Variants in SVIP observed in about 807,000 individuals in gnomAD.
The protein encoded by SVIP is small VCP/p97-interacting protein.
In SVIP, 14 loss-of-function variants were observed where a neutral mutation model predicts 12.9. That is an observed-to-expected ratio of 1.08 (90% CI 0.72 to 1.70). SVIP has a LOEUF of 1.70. Ranked by LOEUF, SVIP falls within the 40% of genes most tolerant of loss-of-function variation. SVIP has a pLI of 0.00. For missense variants in SVIP, 93 were observed against 90.8 expected (o/e 1.02, Z -0.10); for synonymous variants, 35 against 33.3 (o/e 1.05, Z -0.17).
At chr11:22,825,622 G>A (rs1470151579) in intron 3 of SVIP, among the ~76,000 whole-genome samples, 1 of 152,020 alleles carries the variant, frequency 6.6e-6, no homozygotes, top group Non-Finnish European at 1.5e-5. Context: ...TACATTTTGA[G>A]CACTTTTGAA....
At chr11:22,828,309 A>G (rs1200715400) in intron 1 of SVIP, among the ~76,000 whole-genome samples, 1 of 152,200 alleles carries the variant, frequency 6.6e-6, no homozygotes, top group Non-Finnish European at 1.5e-5. Flanking sequence ...GAGTAATTTC[A>G]TGAGAGGTAT....
chr11:22,826,498 T>C (rs1857709675), intron 3 of SVIP, among the ~76,000 whole-genome samples: 1 of 152,186 alleles, frequency 6.6e-6, no homozygotes, highest in South Asian at 2.1e-4. Flanking sequence ...ACTTTAAAAA[T>C]GGACCAAGAA....
intron 3 of SVIP, among the ~76,000 whole-genome samples, chr11:22,824,327 A>T (rs1250190568): frequency 6.6e-6 from 1 of 151,800 alleles, no homozygotes; most frequent in Admixed American, 6.6e-5. Flanking sequence ...TAAATCTGTG[A>T]TAGGTCCTGA....
At chr11:22,824,185 A>G (rs1039427314) in intron 3 of SVIP, among the ~76,000 whole-genome samples, 2 of 152,132 alleles carry the variant, frequency 1.3e-5, no homozygotes, top group African/African-American at 4.8e-5. Context: ...CAACAAAACA[A>G]AAATTTAAAA....
rs1392673354 is a variant in SVIP, at chr11:22,819,940, C to CA, written c.*3178dup. On this transcript the variant is annotated 3_prime_UTR_variant, in exon 4 of 4. Coordinates refer to ENST00000354193, the MANE Select transcript of SVIP (RefSeq NM_148893.3). Reference sequence around the variant, plus strand: ...CATAACTAGAAGAGGGAGACTAGAACAATAAAAAGCCATATCAAATGGGAA... The same window carrying CA: ...CATAACTAGAAGAGGGAGACTAGAACAAATAAAAAGCCATATCAAATGGGAA... 1 of 152,002 alleles carries CA rather than the reference C, an allele frequency of 6.6e-6. No homozygotes were observed. The highest frequency in any genetic ancestry group is 2.4e-5 in the African/African-American group (1 of 41,402). 9.4% of individuals were successfully genotyped at this position (152,002 alleles called of 1,614,324 possible).
At chr11:22,827,347 G>A in intron 2 of SVIP, 27 bp from the exon 3 acceptor site, 2 of 1,563,972 alleles carry the variant, frequency 1.3e-6, no homozygotes, top group Non-Finnish European at 8.7e-7. Context: ...AAGAAAAACA[G>A]AAAGACAACA....
intron 3 of SVIP, among the ~76,000 whole-genome samples, chr11:22,823,812 C>A (rs1367575702): frequency 1.3e-5 from 2 of 152,174 alleles, no homozygotes; most frequent in African/African-American, 2.4e-5. Context: ...GCAGCCTTAA[C>A]CTCGCAGGCT....
chr11:22,825,085 A>G (rs560697874), intron 3 of SVIP, among the ~76,000 whole-genome samples: 1 of 152,144 alleles, frequency 6.6e-6, no homozygotes, highest in Admixed American at 6.5e-5. Flanking sequence ...GAATAGGTGA[A>G]AGGCATGAAG....
At chr11:22,823,373 C>T (rs2134747055) in intron 3 of SVIP, among the ~76,000 whole-genome samples, 1 of 152,276 alleles carries the variant, frequency 6.6e-6, no homozygotes, top group Non-Finnish European at 1.5e-5. Flanking sequence ...CAGGATAGCT[C>T]TGTCTCACTG....
At chr11:22,829,431 A>C (rs780447804) in intron 1 of SVIP, 2 of 385,634 alleles carry the variant, frequency 5.2e-6, no homozygotes, top group East Asian at 4.2e-5. Flanking sequence ...CGGCGCAGCT[A>C]AAGTCAGTGG....
chr11:22,829,394 T>G, intron 1 of SVIP: 1 of 335,488 alleles, frequency 3.0e-6, no homozygotes, highest in Non-Finnish European at 5.5e-6. Context: ...TAACGCCCTC[T>G]GCGTGCGCCG....
At chr11:22,825,652 G>A (rs2134757429) in intron 3 of SVIP, among the ~76,000 whole-genome samples, 1 of 152,096 alleles carries the variant, frequency 6.6e-6, no homozygotes, top group African/African-American at 2.4e-5. Flanking sequence ...AGTAATATAA[G>A]GCCTAAATTT....
chr11:22,826,890 G>T (rs574370998), intron 3 of SVIP, among the ~76,000 whole-genome samples: 1 of 152,154 alleles, frequency 6.6e-6, no homozygotes, highest in Admixed American at 6.5e-5. Context: ...TAGTTTGGAT[G>T]ACTTTTACAC....
chr11:22,824,746 T>G (rs1433071577), intron 3 of SVIP, among the ~76,000 whole-genome samples: 2 of 152,100 alleles, frequency 1.3e-5, no homozygotes, highest in Non-Finnish European at 2.9e-5. Flanking sequence ...AACGCTAGGA[T>G]AGTGATTCTC....
In SVIP at chr11:22,822,805, G is replaced by C. The variant is rs1857530793; in HGVS notation, c.*314C>G. The C allele has an allele frequency of 8.2e-6, 2 of 243,402 alleles. No individual in the cohort carries two copies. Among genetic ancestry groups the C allele is most frequent in the Non-Finnish European group, 7.9e-6 (1 of 126,798 alleles). 15.1% of individuals were successfully genotyped at this position (243,402 alleles called of 1,614,324 possible). On this transcript the variant is annotated 3_prime_UTR_variant, in exon 4 of 4. Transcript: ENST00000354193. ...AAGACAACTGCGAATTTTAATCTTA[G>C]AGGTATATGCAGAATGTTTACATGC...
chr11:22,826,395 A>C (rs1857705250), intron 3 of SVIP, among the ~76,000 whole-genome samples: 1 of 152,066 alleles, frequency 6.6e-6, no homozygotes, highest in Non-Finnish European at 1.5e-5. Flanking sequence ...AAAACCAATA[A>C]ATCTGTTGAA....
rs762443061 is a variant in SVIP, at chr11:22,829,796, G to A, written c.-48C>T. On this transcript the variant is annotated 5_prime_UTR_variant, in exon 1 of 4. Coordinates refer to ENST00000354193, the MANE Select transcript of SVIP (RefSeq NM_148893.3). Reference sequence around the variant, plus strand: ...TGACCGGGTCCGGCCCAGGCCAGGCGGCGCTAACTGCGCGGTCCGGAGCCG... The same window carrying A: ...TGACCGGGTCCGGCCCAGGCCAGGCAGCGCTAACTGCGCGGTCCGGAGCCG... 4 of 1,542,100 alleles carry A rather than the reference G, an allele frequency of 2.6e-6. No individual in the cohort carries two copies. In the African/African-American group the frequency reaches 4.2e-5, roughly 16 times the overall value.
intron 3 of SVIP, among the ~76,000 whole-genome samples, chr11:22,825,014 G>A (rs1297486624): frequency 1.3e-5 from 2 of 152,122 alleles, no homozygotes; most frequent in Admixed American, 6.5e-5. Context: ...CAGGTAAGAA[G>A]TCAGAAGACA....
Position 22,826,706 on chromosome 11 carries a change from T to A in SVIP, c.219+501A>T, listed in dbSNP as rs144368082. 5.3e-3 allele frequency among the ~76,000 whole-genome samples: 804 copies of A among 152,242 alleles called. 13 individuals carry two copies. The highest frequency in any genetic ancestry group is 0.038 in the East Asian group (197 of 5,178). On this transcript the variant is annotated intron_variant, in intron 3 of 3. Transcript: ENST00000354193. ...GTATGATACCCACACCTGTATACAT[T>A]CTGTAATCCAAATTAACATTTACAT...
Sources: gnomAD v4.1 joint callset for allele counts (sites outside exome capture counted in the v4.1 genomes callset) on GRCh38, gnomAD v4.1.1 for gene constraint, MANE v1.5 for transcripts, NCBI Gene and HGNC (gene_info 2026-07-23, HGNC 2026-07-21) for gene names.